The following LRP1B variants were observed in gnomAD, a reference collection of about 807,000 sequenced individuals.
LRP1B encodes the protein low-density lipoprotein receptor-related protein 1B.
LRP1B carries 217 observed loss-of-function variants against 556.6 expected under a neutral mutation model. That is an observed-to-expected ratio of 0.39 (90% CI 0.35 to 0.44). The LOEUF is 0.44. Ranked by LOEUF, LRP1B falls within the 20% of genes least tolerant of loss-of-function variation. LRP1B has a pLI of 1.00. For synonymous variants in LRP1B, 2,047 were observed against 1,865.8 expected, an observed-to-expected ratio of 1.10 and a Z score of -2.50; for missense variants, 5,053 against 5,620.8, an observed-to-expected ratio of 0.90 and a Z score of 3.23.
At chr2:141,159,908 T>A (rs1214602405) in intron 7 of LRP1B, among the ~76,000 whole-genome samples, 2 of 151,934 alleles carry the variant, frequency 1.3e-5, no homozygotes, top group Admixed American at 1.3e-4. Flanking sequence ...AACCAAACAC[T>A]GCATGTTCTC....
rs772444623 is a variant in LRP1B at position 140,270,260 on chromosome 2, G to T, written c.13229C>A (p.Thr4410Lys). ...TACTCACAGACACACAGGTACATTT[G>T]TCTCGGGGTCCAGCTGGCATGTGCC... The part of the protein sequence containing the change: ...NGGTCQLDPE[T>K]NVPVCLCSTN... Residue 4410 changes from threonine (T) to lysine (K), a missense_variant, in exon 86 of 91, where the codon ACA becomes AAA. This residue lies in a region of LRP1B where 551 missense variants were observed against 592.0 expected (regional missense o/e 0.93). Coordinates refer to ENST00000389484, the MANE Select transcript of LRP1B (RefSeq NM_018557.3). 6 of 1,611,728 alleles carry T rather than the reference G, an allele frequency of 3.7e-6. No homozygotes were observed. The highest frequency in any genetic ancestry group is 3.4e-6 in the Non-Finnish European group (4 of 1,178,422).
chr2:141,349,029 TA>T (rs1688355042), intron 3 of LRP1B, among the ~76,000 whole-genome samples: 1 of 152,038 alleles, frequency 6.6e-6, no homozygotes, highest in Admixed American at 6.6e-5. Flanking sequence ...CTAAGTCCAT[TA>T]AACCCTTTTT....
At chr2:141,664,017 C>T (rs1407126396) in intron 2 of LRP1B, among the ~76,000 whole-genome samples, 1 of 151,940 alleles carries the variant, frequency 6.6e-6, no homozygotes, top group Non-Finnish European at 1.5e-5. Context: ...AAACCAAATC[C>T]AGCAGCACAT....
At chr2:142,110,065 T>C (rs1409169842) in intron 1 of LRP1B, among the ~76,000 whole-genome samples, 2 of 152,148 alleles carry the variant, frequency 1.3e-5, no homozygotes, top group African/African-American at 4.8e-5. Context: ...AGAAAATCTT[T>C]AATGTAGAGA....
chr2:142,004,735 A>T lies in LRP1B; in HGVS notation c.82+125913T>A, dbSNP rs376941032. On this transcript the variant is annotated intron_variant, in intron 1 of 90. Transcript: ENST00000389484. Reference sequence around the variant, plus strand: ...GTAGAAGGTGCCGGTAATCCCAGCTACTCAGGAGGCTGAGGCAGGAGAATC... The same window carrying T: ...GTAGAAGGTGCCGGTAATCCCAGCTTCTCAGGAGGCTGAGGCAGGAGAATC... Among the ~76,000 whole-genome samples, 6 of 151,694 alleles carry T rather than the reference A, an allele frequency of 4.0e-5. No homozygotes were observed. In the East Asian group the frequency reaches 9.7e-4, roughly 25 times the overall value.
intron 1 of LRP1B, among the ~76,000 whole-genome samples, chr2:142,047,482 A>G (rs191712320): frequency 1.3e-5 from 2 of 152,060 alleles, no homozygotes; most frequent in East Asian, 3.9e-4. Context: ...TTTAACTTGT[A>G]TCAATTCCTT....
chr2:140,694,024 T>A (rs1407053548), intron 41 of LRP1B, among the ~76,000 whole-genome samples: 3 of 152,142 alleles, frequency 2.0e-5, no homozygotes, highest in African/African-American at 7.2e-5. Flanking sequence ...CATTTCTCGA[T>A]TAGTCATTGG....
intron 3 of LRP1B, among the ~76,000 whole-genome samples, chr2:141,325,895 C>T (rs1264986212): frequency 3.3e-5 from 5 of 151,940 alleles, no homozygotes; most frequent in African/African-American, 1.2e-4. Flanking sequence ...GTCTGTGTGG[C>T]TAAAAGGTGA....
intron 2 of LRP1B, among the ~76,000 whole-genome samples, chr2:141,480,898 G>C (rs987745255): frequency 6.6e-6 from 1 of 152,128 alleles, no homozygotes; most frequent in Non-Finnish European, 1.5e-5. Context: ...TTCCTCAGCT[G>C]TAAACTATGG....
intron 2 of LRP1B, among the ~76,000 whole-genome samples, chr2:141,610,820 T>G: frequency 6.6e-6 from 1 of 152,250 alleles, no homozygotes; most frequent in African/African-American, 2.4e-5. Context: ...ACCGGAGCAT[T>G]GAGATAAGGA....
intron 1 of LRP1B, among the ~76,000 whole-genome samples, chr2:141,941,157 C>T (rs1208279765): frequency 6.6e-6 from 1 of 152,182 alleles, no homozygotes; most frequent in East Asian, 1.9e-4. Context: ...TAAAAGGATT[C>T]ACCATTTCAG....
At chr2:140,737,432 G>T (rs919006180) in intron 35 of LRP1B, among the ~76,000 whole-genome samples, 1 of 152,140 alleles carries the variant, frequency 6.6e-6, no homozygotes, top group African/African-American at 2.4e-5. Context: ...CAAAAGCTAG[G>T]TAATAAATGG....
chr2:141,940,319 GAA>G (rs1700759687), intron 1 of LRP1B, among the ~76,000 whole-genome samples: 1 of 152,032 alleles, frequency 6.6e-6, no homozygotes, highest in African/African-American at 2.4e-5. Context: ...TATTAAAAAA[GAA>G]ATATTTTCAT....
intron 41 of LRP1B, among the ~76,000 whole-genome samples, chr2:140,639,147 G>T (rs929264065): frequency 2.0e-5 from 3 of 152,086 alleles, no homozygotes; most frequent in African/African-American, 7.2e-5. Flanking sequence ...AAATCACACT[G>T]TACAGTCACA....
At chr2:141,206,657 G>T (rs553107260) in intron 6 of LRP1B, among the ~76,000 whole-genome samples, 1 of 152,148 alleles carries the variant, frequency 6.6e-6, no homozygotes, top group South Asian at 2.1e-4. Context: ...GGGCACCCTG[G>T]ATTGGCTCTT....
rs993253007 is a variant in LRP1B, at chr2:141,019,479, G to GTT, written c.1970+442_1970+443insAA. ...ATAGCAACGAATTCAGAGGATTATTGTAAGGGTTACAAAATAGGGTCAGAG... is the reference window on the plus strand; with the variant it reads ...ATAGCAACGAATTCAGAGGATTATTGTTTAAGGGTTACAAAATAGGGTCAGAG... On this transcript the variant is annotated intron_variant, in intron 12 of 90. Transcript: ENST00000389484. 1.2e-4 allele frequency among the ~76,000 whole-genome samples: 18 copies of GTT among 152,160 alleles called. 1 individual carries two copies. The highest frequency in any genetic ancestry group is 1.9e-4 in the Non-Finnish European group (13 of 67,964).
intron 1 of LRP1B, among the ~76,000 whole-genome samples, chr2:142,103,505 T>C (rs1196858115): frequency 6.6e-6 from 1 of 152,008 alleles, no homozygotes; most frequent in African/African-American, 2.4e-5. Flanking sequence ...TGTTCTTTGG[T>C]ATGTGAAAGG....
chr2:141,765,136 G>GT lies in LRP1B; in HGVS notation c.205+45142dup, dbSNP rs370564281. ...AAACAGGGAAAGAATTCGCAAGTAG[G>GT]TTTTTCTTCACAAGTGGCAAAAATA... On this transcript the variant is annotated intron_variant, in intron 2 of 90. Transcript: ENST00000389484. Among the ~76,000 whole-genome samples the GT allele has an allele frequency of 3.1e-3, 465 of 152,234 alleles. 4 individuals carry two copies. Among genetic ancestry groups the GT allele is most frequent in the African/African-American group, 0.011 (452 of 41,550 alleles).
chr2:140,814,297 G>A (rs921631475), intron 31 of LRP1B, among the ~76,000 whole-genome samples: 1 of 152,042 alleles, frequency 6.6e-6, no homozygotes, highest in African/African-American at 2.4e-5. Context: ...AGTTTCAACC[G>A]ACAGAGAAAC....
Sources: gnomAD v4.1 joint callset for allele counts (sites outside exome capture counted in the v4.1 genomes callset) on GRCh38, gnomAD v4.1.1 for gene constraint, gnomAD v4.1.1 regional missense constraint, MANE v1.5 for transcripts, NCBI Gene and HGNC (gene_info 2026-07-23, HGNC 2026-07-21) for gene names.